The following MTREX variants were observed in gnomAD, a reference collection of about 807,000 sequenced individuals.
The protein encoded by MTREX is Mtr4 exosome RNA helicase.
In MTREX, 76 loss-of-function variants were observed where a neutral mutation model predicts 135.4. The observed-to-expected ratio is 0.56, with a 90% CI of 0.47 to 0.68. The LOEUF (loss-of-function observed/expected upper bound fraction) is 0.68, where lower values mean the gene tolerates loss of function less well. Ranked by LOEUF, MTREX falls within the 30% of genes least tolerant of loss-of-function variation. The pLI, the probability that MTREX is intolerant of heterozygous loss-of-function variation, is 0.00. For synonymous variants in MTREX, 404 were observed against 401.6 expected, an observed-to-expected ratio of 1.01 and a Z score of -0.07; for missense variants, 920 against 1,262.1, an observed-to-expected ratio of 0.73 and a Z score of 4.11.
chr5:55,322,149 T>C (rs1372848936), intron 1 of MTREX, among the ~76,000 whole-genome samples, 178 bp from the exon 2 acceptor site: 1 of 152,220 alleles, frequency 6.6e-6, no homozygotes, highest in Non-Finnish European at 1.5e-5. Flanking sequence ...TGCAGTAAAG[T>C]ATTCAGTTTT....
intron 5 of MTREX, among the ~76,000 whole-genome samples, chr5:55,338,234 T>C (rs1749585144): frequency 6.6e-6 from 1 of 152,178 alleles, no homozygotes; most frequent in Non-Finnish European, 1.5e-5. Flanking sequence ...AGTAGTTTTA[T>C]TTTGCTTTCA....
At chr5:55,346,205 A>G (rs1749730221) in intron 10 of MTREX, among the ~76,000 whole-genome samples, 1 of 152,194 alleles carries the variant, frequency 6.6e-6, no homozygotes, top group East Asian at 1.9e-4. Context: ...TTGCTGCACC[A>G]TGTGGAAAGT....
At chr5:55,396,531 C>T (rs1445675037) in intron 19 of MTREX, among the ~76,000 whole-genome samples, 1 of 152,112 alleles carries the variant, frequency 6.6e-6, no homozygotes, top group Non-Finnish European at 1.5e-5. Flanking sequence ...ACCCCAAAAA[C>T]TTTAACTAGA....
rs770445571 is a variant in MTREX at position 55,344,637 on chromosome 5, C to T, written c.1005+17C>T. 2.5e-5 allele frequency: 36 copies of T among 1,441,058 alleles called. No homozygotes were observed. The highest frequency in any genetic ancestry group is 3.3e-5 in the Non-Finnish European group (34 of 1,033,492). The allele number at this position is 1,441,058 out of a possible 1,614,324, so 89.3% of individuals were successfully genotyped here. On this transcript the variant is annotated intron_variant, in intron 9 of 26. Transcript: ENST00000230640. ...GATGAAAATGTAAGAGAGTAATTGT[C>T]CTTTTTAAATCTATAATGTCATACT...
chr5:55,354,296 A>C (rs1262178468), intron 14 of MTREX, among the ~76,000 whole-genome samples: 2 of 152,224 alleles, frequency 1.3e-5, no homozygotes, highest in Non-Finnish European at 2.9e-5. Context: ...CTTCATTGAA[A>C]GGCAGTCCTT....
chr5:55,401,919 A>G (rs1200059635), intron 21 of MTREX, among the ~76,000 whole-genome samples: 1 of 152,130 alleles, frequency 6.6e-6, no homozygotes, highest in Non-Finnish European at 1.5e-5. Context: ...AACTTTTATC[A>G]CATACCACTT....
chr5:55,333,064 C>T (rs1749502417), intron 5 of MTREX, among the ~76,000 whole-genome samples: 2 of 151,914 alleles, frequency 1.3e-5, no homozygotes, highest in African/African-American at 2.4e-5. Context: ...GTGAATTTTA[C>T]CTTGTTGGGT....
At chr5:55,353,601 G>T (rs1045441432) in intron 14 of MTREX, among the ~76,000 whole-genome samples, 1 of 152,172 alleles carries the variant, frequency 6.6e-6, no homozygotes, top group Non-Finnish European at 1.5e-5. Context: ...TACTTGAGAG[G>T]CTGAGGTGGA....
intron 16 of MTREX, among the ~76,000 whole-genome samples, chr5:55,367,225 G>T (rs1029640109): frequency 7.9e-5 from 12 of 152,192 alleles, no homozygotes; most frequent in African/African-American, 2.7e-4. Context: ...AGTGGCTCAT[G>T]CCTGTAATCC....
intron 19 of MTREX, among the ~76,000 whole-genome samples, chr5:55,390,560 T>A (rs1199473100): frequency 2.0e-5 from 3 of 152,190 alleles, no homozygotes; most frequent in Non-Finnish European, 4.4e-5. Context: ...GTTTAGTGTG[T>A]TCTAAAGATC....
At chr5:55,400,533 A>T in intron 21 of MTREX, 112 bp downstream of exon 21, 1 of 655,394 alleles carries the variant, frequency 1.5e-6, no homozygotes, top group South Asian at 3.3e-5. Flanking sequence ...GGAAAATGTG[A>T]GCTATCTTTT....
chr5:55,423,864 G>A (rs1294441295), intron 26 of MTREX: 1 of 152,222 alleles, frequency 6.6e-6, no homozygotes, highest in African/African-American at 2.4e-5. Context: ...ACAACTTAGT[G>A]TCCTAAGAAG....
At chr5:55,335,728 G>A (rs1468469776) in intron 5 of MTREX, among the ~76,000 whole-genome samples, 2 of 151,878 alleles carry the variant, frequency 1.3e-5, no homozygotes, top group Non-Finnish European at 2.9e-5. Flanking sequence ...TTAAAAACTG[G>A]GCACTTCCAG....
At chr5:55,313,264 C>T (rs1204635237) in intron 1 of MTREX, among the ~76,000 whole-genome samples, 2 of 144,532 alleles carry the variant, frequency 1.4e-5, no homozygotes, top group Non-Finnish European at 3.0e-5. Context: ...TGGTGAAACC[C>T]TGTCTCTACA....
intron 1 of MTREX, among the ~76,000 whole-genome samples, chr5:55,318,988 A>G (rs1269632348): frequency 1.3e-5 from 2 of 148,192 alleles, no homozygotes. Flanking sequence ...TCACTCAAAT[A>G]TTCTAAATTT....
In MTREX at chr5:55,410,572, T is replaced by C. The variant is rs751487788; in HGVS notation, c.2694T>C (p.Asn898=). Residue 898 remains asparagine, a synonymous_variant, in exon 23 of 27, where the codon AAT becomes AAC. Coordinates refer to ENST00000230640, the MANE Select transcript of MTREX (RefSeq NM_015360.5). Reference sequence around the variant, plus strand: ...AGATGATGTTTAATGGCCTTTTCAATGACCTTTCTGCAGAACAGGCAACAG... The same window carrying C: ...AGATGATGTTTAATGGCCTTTTCAACGACCTTTCTGCAGAACAGGCAACAG... ...LTEMMFNGLF[N]DLSAEQATAL... 3.5e-5 allele frequency: 57 copies of C among 1,611,520 alleles called. No individual in the cohort carries two copies. Among genetic ancestry groups the C allele is most frequent in the Non-Finnish European group, 4.8e-5 (57 of 1,178,244 alleles).
chr5:55,348,754 A>G (rs1749778357), intron 11 of MTREX, among the ~76,000 whole-genome samples: 1 of 152,184 alleles, frequency 6.6e-6, no homozygotes, highest in Admixed American at 6.5e-5. Context: ...TGCCGAATAA[A>G]CTTAAAGTTG....
In MTREX at chr5:55,358,709, T is replaced by C. The variant is rs1393896299; in HGVS notation, c.1659+11T>C. The C allele has an allele frequency of 2.5e-6, 4 of 1,580,842 alleles. No individual in the cohort carries two copies. Among genetic ancestry groups the C allele is most frequent in the Non-Finnish European group, 3.4e-6 (4 of 1,170,256 alleles). On this transcript the variant is annotated intron_variant, in intron 15 of 26. Coordinates refer to ENST00000230640, the MANE Select transcript of MTREX (RefSeq NM_015360.5). Reference sequence around the variant, plus strand: ...AAACAATTACTTAAGGTAACTACATTAAGATTGTGTACCTTTACCAAGAAT... The same window carrying C: ...AAACAATTACTTAAGGTAACTACATCAAGATTGTGTACCTTTACCAAGAAT...
intron 1 of MTREX, 111 bp downstream of exon 1, chr5:55,308,258 T>C (rs1205024134): frequency 7.5e-6 from 10 of 1,324,920 alleles, no homozygotes; most frequent in Non-Finnish European, 9.1e-6. Flanking sequence ...TGAGTGGCGT[T>C]GGAAGTGAAG....
Sources: allele counts gnomAD v4.1 joint callset (sites outside exome capture counted in the v4.1 genomes callset), GRCh38; gene constraint gnomAD v4.1.1; transcripts MANE v1.5; gene names NCBI Gene and HGNC (gene_info 2026-07-23, HGNC 2026-07-21).